UBASH3B: variants seen among roughly 807,000 people sequenced by gnomAD.
The protein encoded by UBASH3B is ubiquitin-associated and SH3 domain-containing protein B.
UBASH3B carries 37 observed loss-of-function variants against 83.4 expected under a neutral mutation model. That is an observed-to-expected ratio of 0.44 (90% CI 0.34 to 0.58). The LOEUF is 0.58. UBASH3B is among the 20% of genes least tolerant of loss of function. The pLI, the probability that UBASH3B is intolerant of heterozygous loss-of-function variation, is 0.01. For synonymous variants in UBASH3B, 304 were observed against 318.3 expected, an observed-to-expected ratio of 0.96 and a Z score of 0.48; for missense variants, 657 against 827.2, an observed-to-expected ratio of 0.79 and a Z score of 2.52.
intron 1 of UBASH3B, among the ~76,000 whole-genome samples, chr11:122,737,794 C>T (rs543487462): frequency 7.2e-5 from 11 of 152,012 alleles, no homozygotes; most frequent in African/African-American, 1.2e-4. Context: ...TAGGTCAGGA[C>T]GCCAGAGGGT....
At chr11:122,737,866 G>A (rs568588124) in intron 1 of UBASH3B, among the ~76,000 whole-genome samples, 19 of 152,150 alleles carry the variant, frequency 1.2e-4, no homozygotes, top group Non-Finnish European at 2.2e-4. Context: ...AGAAGCTGGA[G>A]GTATGGCCCA....
intron 1 of UBASH3B, 58 bp downstream of exon 1, chr11:122,656,268 G>C (rs1004295775): frequency 2.3e-6 from 3 of 1,316,128 alleles, no homozygotes; most frequent in Non-Finnish European, 2.9e-6. Flanking sequence ...GCCGGCCCTC[G>C]GCTTCGCTCC....
intron 1 of UBASH3B, among the ~76,000 whole-genome samples, chr11:122,658,163 G>A (rs576706699): frequency 7.0e-6 from 1 of 143,024 alleles, no homozygotes; most frequent in African/African-American, 2.6e-5. Context: ...GTTACAGAGC[G>A]AGACTTCATC....
chr11:122,737,738 G>A (rs1860957819), intron 1 of UBASH3B, among the ~76,000 whole-genome samples: 1 of 152,028 alleles, frequency 6.6e-6, no homozygotes, highest in African/African-American at 2.4e-5. Flanking sequence ...GAACACATGA[G>A]GTTTAGTGCA....
chr11:122,781,833 T>C (rs556519220), intron 4 of UBASH3B, among the ~76,000 whole-genome samples: 66 of 152,352 alleles, frequency 4.3e-4, no homozygotes, highest in African/African-American at 1.5e-3. Context: ...CTGCATGATA[T>C]GCTGAGTAAG....
chr11:122,808,553 T>C (rs945271458), intron 13 of UBASH3B, among the ~76,000 whole-genome samples: 1 of 152,178 alleles, frequency 6.6e-6, no homozygotes, highest in African/African-American at 2.4e-5. Context: ...ACACAGGTCC[T>C]TGAAGGTAGG....
chr11:122,752,661 T>C (rs566863366), intron 1 of UBASH3B, among the ~76,000 whole-genome samples: 42 of 152,194 alleles, frequency 2.8e-4, no homozygotes, highest in Non-Finnish European at 5.3e-4. Flanking sequence ...TAGTGGTATT[T>C]TGGCAGAATT....
chr11:122,692,420 A>T (rs1244688760), intron 1 of UBASH3B, among the ~76,000 whole-genome samples: 2 of 152,178 alleles, frequency 1.3e-5, no homozygotes, highest in Admixed American at 1.3e-4. Context: ...AACCTTGGGG[A>T]CACAAAAACA....
intron 1 of UBASH3B, among the ~76,000 whole-genome samples, chr11:122,693,701 C>A (rs1416956788): frequency 6.6e-6 from 1 of 151,604 alleles, no homozygotes; most frequent in Admixed American, 6.6e-5. Flanking sequence ...GGTGAAACCC[C>A]GTCTCTACTA....
intron 1 of UBASH3B, among the ~76,000 whole-genome samples, chr11:122,669,198 T>A (rs1863558297): frequency 6.6e-6 from 1 of 152,206 alleles, no homozygotes. Context: ...AAGTCAAAAG[T>A]CTGAAATGCA....
intron 11 of UBASH3B, 70 bp downstream of exon 11, chr11:122,801,402 T>G: frequency 6.4e-7 from 1 of 1,568,964 alleles, no homozygotes; most frequent in African/African-American, 1.3e-5. Flanking sequence ...CTAGGCCAGG[T>G]TCAGGAAGGA....
chr11:122,722,843 C>T (rs1860664170), intron 1 of UBASH3B, among the ~76,000 whole-genome samples: 1 of 151,962 alleles, frequency 6.6e-6, no homozygotes, highest in Non-Finnish European at 1.5e-5. Flanking sequence ...GTAGCTGGGA[C>T]TACAGGTGCC....
chr11:122,673,972 C>T (rs1863633315), intron 1 of UBASH3B, among the ~76,000 whole-genome samples: 1 of 152,112 alleles, frequency 6.6e-6, no homozygotes, highest in Admixed American at 6.5e-5. Flanking sequence ...CACTAATTTC[C>T]TGTTAATAGG....
At chr11:122,743,574 A>G (rs1565548864) in intron 1 of UBASH3B, among the ~76,000 whole-genome samples, 1 of 152,124 alleles carries the variant, frequency 6.6e-6, no homozygotes, top group Non-Finnish European at 1.5e-5. Context: ...TCATCTGTAA[A>G]ATGGGTATAC....
intron 1 of UBASH3B, among the ~76,000 whole-genome samples, chr11:122,743,049 T>A (rs892363937): frequency 2.0e-5 from 3 of 152,198 alleles, no homozygotes; most frequent in Admixed American, 6.5e-5. Flanking sequence ...TCCTCCTCTC[T>A]TTAGTCTTCT....
rs1396001272 is a variant in UBASH3B, at chr11:122,759,324, C to A, written c.162-16895C>A. ...CTCCTTGGCCAGCAGGAAAGCGAGT[C>A]ATTTAGAGCAGTGGTCCCCAATCTT... On this transcript the variant is annotated intron_variant, in intron 1 of 13. Transcript: ENST00000284273. This position sits in a 1 kb window ranked among gnomAD's most constrained non-coding sequence, Gnocchi z 4.1. 2.6e-5 allele frequency among the ~76,000 whole-genome samples: 4 copies of A among 152,164 alleles called. No homozygotes were observed. Among genetic ancestry groups the A allele is most frequent in the Admixed American group, 1.3e-4 (2 of 15,272 alleles).
rs976912171 is a variant in UBASH3B at position 122,806,958 on chromosome 11, T to G, written c.1702+442T>G. 1.3e-5 allele frequency among the ~76,000 whole-genome samples: 2 copies of G among 152,240 alleles called. No homozygotes were observed. The highest frequency in any genetic ancestry group is 2.9e-5 in the Non-Finnish European group (2 of 68,046). On this transcript the variant is annotated intron_variant, in intron 12 of 13. Transcript: ENST00000284273. This position sits in a 1 kb window ranked among gnomAD's most constrained non-coding sequence, Gnocchi z 4.0. ...CAAGTGTGTTTGCTATTGAATTTTC[T>G]AAACACTGAGCTCAAATATTTAATA...
intron 1 of UBASH3B, among the ~76,000 whole-genome samples, chr11:122,665,297 C>A (rs1408701715): frequency 2.0e-5 from 3 of 152,226 alleles, no homozygotes; most frequent in Non-Finnish European, 4.4e-5. Flanking sequence ...CCTGCCTCAG[C>A]CTTCTGAACA....
chr11:122,705,922 C>T lies in UBASH3B; in HGVS notation c.161+49712C>T, dbSNP rs992550523. Among the ~76,000 whole-genome samples the T allele has an allele frequency of 3.0e-4, 46 of 152,074 alleles. 1 individual carries two copies. Among genetic ancestry groups the T allele is most frequent in the African/African-American group, 1.1e-3 (44 of 41,402 alleles). ...GTGAGGCGTTGACCAGGCTGGACTC[C>T]TGTGATCACAGGTGTGGCATCCACT... On this transcript the variant is annotated intron_variant, in intron 1 of 13. Transcript: ENST00000284273.
Sources: gnomAD v4.1 joint callset for allele counts (sites outside exome capture counted in the v4.1 genomes callset) on GRCh38, gnomAD v4.1.1 for gene constraint, Gnocchi (gnomAD v3.1) non-coding constraint, MANE v1.5 for transcripts, NCBI Gene and HGNC (gene_info 2026-07-23, HGNC 2026-07-21) for gene names.